The following NUTM2F variants were observed in gnomAD, a reference collection of about 807,000 sequenced individuals.
NUTM2F encodes the protein family with sequence similarity 22, member F.
Under a neutral mutation model 43.3 loss-of-function variants are expected in NUTM2F, and 22 were observed. The observed-to-expected ratio is 0.51, with a 90% CI of 0.36 to 0.73. The LOEUF is 0.73. Ranked by LOEUF, NUTM2F falls within the 30% of genes least tolerant of loss-of-function variation. The pLI is 0.00. For synonymous variants in NUTM2F, 202 were observed against 389.0 expected, an observed-to-expected ratio of 0.52 and a Z score of 5.66; for missense variants, 488 against 927.4, an observed-to-expected ratio of 0.53 and a Z score of 6.15.
intron 3 of NUTM2F, among the ~76,000 whole-genome samples, chr9:94,321,888 T>G (rs983927522): frequency 1.3e-5 from 2 of 151,394 alleles, no homozygotes; most frequent in African/African-American, 4.9e-5. Context: ...CTAGCACCCC[T>G]TCTCCCCATC....
At position 94,322,259 on chromosome 9, in the gene NUTM2F, G is replaced by T. The variant is rs549762125; in HGVS notation, c.784C>A (p.Arg262=). ...AAGTTGCTCGTGTGCTGCCATTCCC[G>T]CATGGCCTGCCACAGTCCCTCCTCC... ...TLEEGLWQAM[R]EWQHTSNFDR... Residue 262 remains arginine, a synonymous_variant, in exon 3 of 7, where the codon CGG becomes AGG. Coordinates refer to ENST00000253262, the MANE Select transcript of NUTM2F (RefSeq NM_017561.2). The T allele has an allele frequency of 6.2e-7, 1 of 1,611,996 alleles. No homozygotes were observed. Among genetic ancestry groups the T allele is most frequent in the Non-Finnish European group, 8.5e-7 (1 of 1,179,886 alleles).
chr9:94,326,522 G>A (rs139149141), intron 1 of NUTM2F, among the ~76,000 whole-genome samples: 14,218 of 152,144 alleles, frequency 0.093, 1,289 homozygotes, highest in East Asian at 0.35. Flanking sequence ...AGGCCCAGGC[G>A]GGTGGATCAC....
At chr9:94,328,470 G>C (rs928870119) in intron 1 of NUTM2F, 138 bp downstream of exon 1, 2 of 1,357,964 alleles carry the variant, frequency 1.5e-6, no homozygotes, top group South Asian at 2.5e-5. Flanking sequence ...ATCCCCAGGT[G>C]TGATGTCCCT....
At chr9:94,321,318 G>T in intron 3 of NUTM2F, 86 bp from the exon 4 acceptor site, 7 of 1,533,046 alleles carry the variant, frequency 4.6e-6, no homozygotes, top group Non-Finnish European at 5.2e-6. Flanking sequence ...GCAGGGATGG[G>T]AGGGAGTGCC....
intron 6 of NUTM2F, 68 bp from the exon 7 acceptor site, chr9:94,319,318 C>A (rs1465739883): frequency 2.3e-5 from 14 of 606,660 alleles, no homozygotes; most frequent in Non-Finnish European, 3.1e-5. Context: ...ATGGTGGAGA[C>A]CAGGGCACTT....
intron 3 of NUTM2F, 59 bp downstream of exon 3, chr9:94,322,142 C>A (rs1168747495): frequency 1.9e-5 from 30 of 1,609,088 alleles, no homozygotes; most frequent in Non-Finnish European, 2.5e-5. Flanking sequence ...GGCCACCGGG[C>A]CTCTGTCATT....
chr9:94,318,978 C>T lies in NUTM2F; in HGVS notation c.1758G>A (p.Arg586=). Reference sequence around the variant, plus strand: ...GAGAGGTTGGCCGGACAGCCTTCAGCCTGGGGGAATCCTGACATCCCAAAA... The same window carrying T: ...GAGAGGTTGGCCGGACAGCCTTCAGTCTGGGGGAATCCTGACATCCCAAAA... ...AVLLGCQDSP[R]LKAVRPTSPP... Residue 586 remains arginine, a synonymous_variant, in exon 7 of 7, where the codon AGG becomes AGA. Transcript: ENST00000253262. 34 of 1,611,352 alleles carry T rather than the reference C, an allele frequency of 2.1e-5. No homozygotes were observed. The highest frequency in any genetic ancestry group is 2.9e-5 in the Non-Finnish European group (34 of 1,179,088).
At position 94,322,229 on chromosome 9, in the gene NUTM2F, G is replaced by A. The variant is rs755751887; in HGVS notation, c.814C>T (p.Arg272Trp). The A allele has an allele frequency of 2.8e-5, 45 of 1,611,964 alleles. No individual in the cohort carries two copies. In the Middle Eastern group the frequency reaches 6.7e-4, roughly 24 times the overall value. ...REWQHTSNFD[R>W]MIFYEMAEKF... ...TCCGCCATCTCGTAGAAGATCATCC[G>A]GTCAAAGTTGCTCGTGTGCTGCCAT... The change falls in exon 3 of 7, where the codon CGG becomes TGG. Residue 272 changes from arginine (R) to tryptophan (W), a missense_variant. Coordinates refer to ENST00000253262, the MANE Select transcript of NUTM2F (RefSeq NM_017561.2).
At chr9:94,324,772 C>A (rs71498644) in intron 2 of NUTM2F, among the ~76,000 whole-genome samples, 7 of 151,614 alleles carry the variant, frequency 4.6e-5, no homozygotes, top group Admixed American at 1.3e-4. Context: ...GGGCAGATCA[C>A]CTGAGGTCGG....
At chr9:94,324,350 A>G (rs1011435791) in intron 2 of NUTM2F, among the ~76,000 whole-genome samples, 11 of 151,698 alleles carry the variant, frequency 7.3e-5, no homozygotes, top group African/African-American at 2.7e-4. Context: ...GGTCTTCTGT[A>G]AACATTGTTG....
rs1365066688 is a variant in NUTM2F, at chr9:94,325,317, G to A, written c.634C>T (p.Leu212Phe). The change falls in exon 2 of 7, where the codon CTC (leucine) becomes TTC (phenylalanine). Residue 212 changes from leucine to phenylalanine, a missense_variant. Physicochemically the swap from Leu to Phe is conservative, Grantham distance 22. Transcript: ENST00000253262. Reference sequence around the variant, plus strand: ...GCCAGGGGCTTGTAGTGCTGCCAGAGTCGGAAGTTCTCATAGACACTCTTG... The same window carrying A: ...GCCAGGGGCTTGTAGTGCTGCCAGAATCGGAAGTTCTCATAGACACTCTTG... ...KPKSVYENFR[L>F]WQHYKPLARR... The A allele has an allele frequency of 9.7e-7, 1 of 1,033,810 alleles. No individual in the cohort carries two copies. Among genetic ancestry groups the A allele is most frequent in the East Asian group, 2.7e-5 (1 of 36,974 alleles). 64.0% of individuals were successfully genotyped at this position (1,033,810 alleles called of 1,614,324 possible).
In NUTM2F at chr9:94,320,738, A is replaced by G. The variant is rs2257643; in HGVS notation, c.983-145T>C. On this transcript the variant is annotated intron_variant, in intron 4 of 6. Coordinates refer to ENST00000253262, the MANE Select transcript of NUTM2F (RefSeq NM_017561.2). This position sits in a 1 kb window ranked among gnomAD's most constrained non-coding sequence, Gnocchi z 4.5. Reference sequence around the variant, plus strand: ...ACCACAGCGCCCCGGAGGAGACGCCACAGGAGGGGCACATCTGAGACAGCA... The same window carrying G: ...ACCACAGCGCCCCGGAGGAGACGCCGCAGGAGGGGCACATCTGAGACAGCA... 145 of 1,352,792 alleles carry G rather than the reference A, an allele frequency of 1.1e-4. 1 individual carries two copies. The highest frequency in any genetic ancestry group is 5.0e-4 in the South Asian group (34 of 68,596). 83.8% of individuals were successfully genotyped at this position (1,352,792 alleles called of 1,614,324 possible).
intron 2 of NUTM2F, among the ~76,000 whole-genome samples, chr9:94,323,898 C>T (rs781617969): frequency 1.4e-4 from 22 of 152,254 alleles, no homozygotes; most frequent in South Asian, 4.2e-4. Flanking sequence ...CCCTGCAGCT[C>T]CTCCCCCCAG....
intron 2 of NUTM2F, among the ~76,000 whole-genome samples, chr9:94,323,253 T>G (rs919451734): frequency 6.6e-6 from 1 of 151,914 alleles, no homozygotes; most frequent in African/African-American, 2.4e-5. Context: ...TGCAACCAGT[T>G]CCAGGGTGTG....
rs553191163 is a variant in NUTM2F, at chr9:94,328,567, G to C, written c.16+41C>G. The C allele has an allele frequency of 5.6e-6, 9 of 1,613,852 alleles. No individual in the cohort carries two copies. The African/African-American group carries it at 1.1e-4, about 19-fold the overall frequency. Reference sequence around the variant, plus strand: ...AAATTTGAATTCCCAAGGAGTTGAGGCAAGGCAGACTCGGATAATGCCCCA... The same window carrying C: ...AAATTTGAATTCCCAAGGAGTTGAGCCAAGGCAGACTCGGATAATGCCCCA... On this transcript the variant is annotated intron_variant, in intron 1 of 6. Transcript: ENST00000253262.
At chr9:94,324,429 G>A (rs1316209645) in intron 2 of NUTM2F, among the ~76,000 whole-genome samples, 2 of 151,788 alleles carry the variant, frequency 1.3e-5, no homozygotes, top group African/African-American at 2.4e-5. Flanking sequence ...TTGGGAGGCC[G>A]AGGCGGGCGA....
intron 2 of NUTM2F, among the ~76,000 whole-genome samples, chr9:94,324,674 A>AAAAAAG: frequency 6.8e-6 from 1 of 147,624 alleles, no homozygotes; most frequent in East Asian, 2.0e-4. Flanking sequence ...AAAAAAAAAA[A>AAAAAAG]AAAAGAAAAG....
intron 2 of NUTM2F, among the ~76,000 whole-genome samples, chr9:94,324,965 CAACAAGAG>C (rs1487321296): frequency 7.6e-6 from 1 of 131,600 alleles, no homozygotes; most frequent in Non-Finnish European, 1.6e-5. Flanking sequence ...CCAGCCTGGG[CAACAAGAG>C]TGAAAGTCCA....
At chr9:94,319,462 T>C (rs1388984302) in intron 6 of NUTM2F, 151 bp downstream of exon 6, 49 of 630,654 alleles carry the variant, frequency 7.8e-5, no homozygotes, top group Non-Finnish European at 1.3e-4. Context: ...TCCATCCTAC[T>C]CCCTCTGAAC....
Sources: allele counts gnomAD v4.1 joint callset (sites outside exome capture counted in the v4.1 genomes callset), GRCh38; gene constraint gnomAD v4.1.1; non-coding constraint Gnocchi (gnomAD v3.1); transcripts MANE v1.5; gene names NCBI Gene and HGNC (gene_info 2026-07-23, HGNC 2026-07-21).